EPB41L1: variants seen among roughly 807,000 people sequenced by gnomAD.
EPB41L1 encodes band 4.1-like protein 1.
Under a neutral mutation model 97.8 loss-of-function variants are expected in EPB41L1, and 29 were observed. The ratio of observed to expected loss-of-function variants is 0.30; its 90% CI spans 0.22 to 0.40. The LOEUF (loss-of-function observed/expected upper bound fraction) is 0.40. EPB41L1 is among the 10% of genes least tolerant of loss of function. The pLI, the probability that EPB41L1 is intolerant of heterozygous loss-of-function variation, is 1.00. For synonymous variants in EPB41L1, 383 were observed against 459.2 expected (o/e 0.83, Z 2.12); for missense variants, 812 against 1,162.3 (o/e 0.70, Z 4.38).
In EPB41L1 at chr20:36,178,075, A is replaced by C; in HGVS notation, c.447+19A>C. 6.3e-7 allele frequency: 1 copy of C among 1,591,458 alleles called. No homozygotes were observed. The highest frequency in any genetic ancestry group is 8.6e-7 in the Non-Finnish European group (1 of 1,159,654). Reference sequence around the variant, plus strand: ...CCAGAAGGTACCTGGGCTAGGGAGCAGGGTGGGACCTGCTCTTCCGTTAGG... The same window carrying C: ...CCAGAAGGTACCTGGGCTAGGGAGCCGGGTGGGACCTGCTCTTCCGTTAGG... On this transcript the variant is annotated intron_variant, in intron 4 of 21. Coordinates refer to ENST00000338074, the MANE Select transcript of EPB41L1 (RefSeq NM_012156.2).
chr20:36,177,641 C>G (rs1017411042), intron 3 of EPB41L1, among the ~76,000 whole-genome samples: 2 of 152,226 alleles, frequency 1.3e-5, no homozygotes, highest in African/African-American at 4.8e-5. Flanking sequence ...TTCTCCTAAT[C>G]ACTAAAAAGG....
chr20:36,098,738 A>C (rs2057913576), intron 1 of EPB41L1, among the ~76,000 whole-genome samples: 1 of 152,182 alleles, frequency 6.6e-6, no homozygotes. Flanking sequence ...GTTCAACCCA[A>C]TACATGCAGG....
Position 36,212,647 on chromosome 20 carries a change from T to C in EPB41L1, c.2184+271T>C, listed in dbSNP as rs1276802504. Among the ~76,000 whole-genome samples the C allele has an allele frequency of 6.6e-6, 1 of 152,220 alleles. No homozygotes were observed. The highest frequency in any genetic ancestry group is 2.4e-5 in the African/African-American group (1 of 41,462). The stretch of plus-strand genomic sequence containing the variant: ...AAATGGGAATGACCCTGTCTACCCC[T>C]TCCTCCTGGGCATATTGGGAGGACT... On this transcript the variant is annotated intron_variant, in intron 16 of 21. Coordinates refer to ENST00000338074, the MANE Select transcript of EPB41L1 (RefSeq NM_012156.2). The surrounding 1 kb of genome is among the most constrained non-coding windows in gnomAD (Gnocchi z 4.8).
At chr20:36,136,540 T>C (rs2179666) in intron 2 of EPB41L1, among the ~76,000 whole-genome samples, 16,720 of 151,710 alleles carry the variant, frequency 0.11, 1,559 homozygotes, top group African/African-American at 0.26. Context: ...TCATATTGTG[T>C]AACACCATCA....
rs55990020 is a variant in EPB41L1 at position 36,188,581 on chromosome 20, AACACACACACACACACACACAC to A, written c.1026+122_1026+143del. On this transcript the variant is annotated intron_variant, in intron 9 of 21. Coordinates refer to ENST00000338074, the MANE Select transcript of EPB41L1 (RefSeq NM_012156.2). ...CCCTGGCAGCTGGGCCTGGACTGCC[AACACACACACACACACACACAC>A]ACACACACACACACACACACACACA... 205 of 467,396 alleles carry A rather than the reference AACACACACACACACACACACAC, an allele frequency of 4.4e-4. 3 individuals are homozygous for A. The highest frequency in any genetic ancestry group is 4.1e-3 in the African/African-American group (113 of 27,618). 29.0% of individuals were successfully genotyped at this position (467,396 alleles called of 1,614,324 possible). A position where few individuals can be genotyped will look rare whatever the true frequency, so the allele number is the denominator to read the frequency against.
At position 36,110,260 on chromosome 20, in the gene EPB41L1, C is replaced by T. The variant is rs538683006; in HGVS notation, c.-64-2166C>T. Among the ~76,000 whole-genome samples, 149 of 152,202 alleles carry T rather than the reference C, an allele frequency of 9.8e-4. 5 individuals carry two copies. The South Asian group carries it at 0.026, about 27-fold the overall frequency. On this transcript the variant is annotated intron_variant, in intron 1 of 19. Coordinates refer to the EPB41L1 transcript ENST00000202028. ...CCGGCCTTGACATTGTTTAGTACAA[C>T]GGTCTCATTCTGAAGTCGAAGAAAC...
At chr20:36,108,944 C>T (rs530647157) in intron 1 of EPB41L1, among the ~76,000 whole-genome samples, 55 of 151,260 alleles carry the variant, frequency 3.6e-4, no homozygotes, top group East Asian at 9.8e-4. Flanking sequence ...GAGTTCAGGG[C>T]TTCTTTTTTT....
At chr20:36,216,166 G>C (rs939420251) in intron 17 of EPB41L1, among the ~76,000 whole-genome samples, 2 of 152,190 alleles carry the variant, frequency 1.3e-5, no homozygotes, top group Non-Finnish European at 2.9e-5. Context: ...GGGCCACCAG[G>C]AGGACAGCTA....
intron 1 of EPB41L1, among the ~76,000 whole-genome samples, chr20:36,104,333 T>C (rs960630598): frequency 6.6e-6 from 1 of 151,476 alleles, no homozygotes; most frequent in Admixed American, 6.6e-5. Flanking sequence ...ATTTGGAGAG[T>C]TTCAGGAAGG....
chr20:36,198,019 G>T lies in EPB41L1; in HGVS notation c.1646G>T (p.Gly549Val), dbSNP rs767586892. The change falls in exon 14 of 22, where the codon GGC becomes GTC. Residue 549 changes from glycine (G) to valine (V), a missense_variant. Coordinates refer to ENST00000338074, the MANE Select transcript of EPB41L1 (RefSeq NM_012156.2). ...PSSPASPSPK[G>V]TPEKANERAG... is the part of the protein sequence containing the mutation. The stretch of plus-strand genomic sequence containing the variant: ...TCCCCCGCCTCCCCCTCCCCCAAGG[G>T]CACCCCTGAGAAAGCCAATGAGGTA... The T allele has an allele frequency of 6.2e-7, 1 of 1,613,532 alleles. No homozygotes were observed. Among genetic ancestry groups the T allele is most frequent in the Non-Finnish European group, 8.5e-7 (1 of 1,179,910 alleles).
intron 2 of EPB41L1, among the ~76,000 whole-genome samples, chr20:36,138,267 T>C (rs2059494928): frequency 1.3e-5 from 2 of 151,182 alleles, no homozygotes; most frequent in Admixed American, 6.6e-5. Context: ...TAGCACTTTT[T>C]TTTTTTTTTT....
rs764328855 is a variant in EPB41L1 at position 36,221,904 on chromosome 20, G to A, written c.2480G>A (p.Arg827Gln). Reference protein sequence around the residue: ...GGFSETRIEKRIIITGDEDVD... With the variant: ...GGFSETRIEKQIIITGDEDVD... ...TTTTCTGAGACAAGGATCGAGAAGC[G>A]AATCATCATTACTGGGGATGAAGAT... is the stretch of plus-strand genomic sequence containing the variant. Residue 827 changes from arginine to glutamine, a missense_variant, in exon 20 of 22, where the codon CGA becomes CAA. Physicochemically the swap from Arg to Gln is conservative, Grantham distance 43. Coordinates refer to ENST00000338074, the MANE Select transcript of EPB41L1 (RefSeq NM_012156.2). The A allele has an allele frequency of 5.0e-6, 8 of 1,614,030 alleles. No individual in the cohort carries two copies. The highest frequency in any genetic ancestry group is 1.1e-5 in the South Asian group (1 of 91,084).
chr20:36,145,943 A>G (rs1311913482), intron 2 of EPB41L1, among the ~76,000 whole-genome samples: 1 of 152,054 alleles, frequency 6.6e-6, no homozygotes, highest in Admixed American at 6.5e-5. Context: ...TCCTGATTCT[A>G]CCTTGTAATT....
intron 2 of EPB41L1, among the ~76,000 whole-genome samples, chr20:36,139,723 C>A (rs374456695): frequency 6.7e-6 from 1 of 150,016 alleles, no homozygotes; most frequent in African/African-American, 2.5e-5. Context: ...GTGCTTTCTT[C>A]TTATTATTAT....
rs2062137587 is a variant in EPB41L1 at position 36,195,240 on chromosome 20, C to T, written c.1450-89C>T. ...TGGTCGAGTGTGCGTGCTCTGGGCT[C>T]CTTGCTGGACCAAGCCCATCGTGGT... On this transcript the variant is annotated intron_variant, in intron 12 of 21. Coordinates refer to ENST00000338074, the MANE Select transcript of EPB41L1 (RefSeq NM_012156.2). The surrounding 1 kb of genome is among the most constrained non-coding windows in gnomAD (Gnocchi z 4.6). The T allele has an allele frequency of 3.9e-6, 6 of 1,545,546 alleles. No homozygotes were observed. Among genetic ancestry groups the T allele is most frequent in the Non-Finnish European group, 5.4e-6 (6 of 1,120,798 alleles).
intron 2 of EPB41L1, among the ~76,000 whole-genome samples, chr20:36,114,663 T>C (rs1274356525): frequency 6.6e-6 from 1 of 152,166 alleles, no homozygotes; most frequent in Non-Finnish European, 1.5e-5. Flanking sequence ...AAGAATCAGG[T>C]TGACTCTCTC....
chr20:36,218,891 T>C lies in EPB41L1; in HGVS notation c.2284T>C (p.Ser762Pro). Reference sequence around the variant, plus strand: ...GTTTCCCCAGGAGAACAGTCTCAAGTCCGGGAAGGGGGCAGCTGCCATGAT... The same window carrying C: ...GTTTCCCCAGGAGAACAGTCTCAAGCCCGGGAAGGGGGCAGCTGCCATGAT... The part of the protein sequence containing the change: ...ISTTMENSLK[S>P]GKGAAAMIPG... The change falls in exon 18 of 22, where the codon TCC (serine) becomes CCC (proline). Residue 762 changes from serine (S) to proline (P), a missense_variant. Transcript: ENST00000338074. The C allele has an allele frequency of 6.2e-7, 1 of 1,614,102 alleles. No homozygotes were observed. Among genetic ancestry groups the C allele is most frequent in the Non-Finnish European group, 8.5e-7 (1 of 1,180,022 alleles).
Position 36,149,307 on chromosome 20 carries a change from C to T in EPB41L1, c.-9-26244C>T, listed in dbSNP as rs6060824. On this transcript the variant is annotated intron_variant, in intron 2 of 19. Transcript: ENST00000202028. ...CTGTTCAACAACACTACACTAGATA[C>T]GTATGGAAAAGTGCTTTGTATACTG... 3.1e-3 allele frequency among the ~76,000 whole-genome samples: 472 copies of T among 152,292 alleles called. 7 individuals are homozygous for T. Among genetic ancestry groups the T allele is most frequent in the African/African-American group, 0.011 (443 of 41,550 alleles).
intron 1 of EPB41L1, among the ~76,000 whole-genome samples, chr20:36,095,308 A>G (rs1012806628): frequency 4.6e-5 from 7 of 152,020 alleles, no homozygotes; most frequent in African/African-American, 1.7e-4. Context: ...GGGTTTCACC[A>G]TGTTGGTCAG....
Sources: gnomAD v4.1 joint callset for allele counts (sites outside exome capture counted in the v4.1 genomes callset) on GRCh38, gnomAD v4.1.1 for gene constraint, Gnocchi (gnomAD v3.1) non-coding constraint, MANE v1.5 for transcripts, NCBI Gene and HGNC (gene_info 2026-07-23, HGNC 2026-07-21) for gene names.